Variants in KCNAB1 observed in about 807,000 individuals in gnomAD.
KCNAB1 encodes potassium voltage-gated channel subfamily A regulatory beta subunit 1.
KCNAB1 carries 35 observed loss-of-function variants against 64.6 expected under a neutral mutation model. The ratio of observed to expected loss-of-function variants is 0.54; its 90% CI spans 0.41 to 0.72. The LOEUF (loss-of-function observed/expected upper bound fraction) is 0.72. Among genes scored for constraint, KCNAB1 ranks in the 30% least tolerant of loss-of-function variants. The pLI, the probability that KCNAB1 is intolerant of heterozygous loss-of-function variation, is 0.00. For synonymous variants in KCNAB1, 177 were observed against 183.8 expected (o/e 0.96, Z 0.30); for missense variants, 401 against 512.9 (o/e 0.78, Z 2.11).
At chr3:156,250,144 G>T (rs574422557) in intron 1 of KCNAB1, among the ~76,000 whole-genome samples, 1 of 152,162 alleles carries the variant, frequency 6.6e-6, no homozygotes, top group African/African-American at 2.4e-5. Context: ...CAAGCTTGGA[G>T]GGAGAAATTG....
chr3:156,290,048 C>T (rs1002506623), intron 1 of KCNAB1, among the ~76,000 whole-genome samples: 4 of 152,180 alleles, frequency 2.6e-5, no homozygotes, highest in Non-Finnish European at 5.9e-5. Context: ...TTTCAGCCAT[C>T]TTTGTGGCCC....
intron 1 of KCNAB1, among the ~76,000 whole-genome samples, chr3:156,246,445 A>T (rs1308845800): frequency 6.6e-6 from 1 of 152,128 alleles, no homozygotes; most frequent in African/African-American, 2.4e-5. Context: ...TCTACTAGAA[A>T]TACAAAAATT....
intron 1 of KCNAB1, among the ~76,000 whole-genome samples, chr3:156,178,865 T>C (rs1028161778): frequency 6.6e-6 from 1 of 151,806 alleles, no homozygotes. Flanking sequence ...GCCGGGCGTG[T>C]TGGCGGGAGC....
chr3:156,498,445 G>C (rs1359130471), intron 8 of KCNAB1, among the ~76,000 whole-genome samples: 1 of 152,270 alleles, frequency 6.6e-6, no homozygotes, highest in East Asian at 1.9e-4. Context: ...TCTCATGAGA[G>C]CTAATGGTTT....
At chr3:156,480,959 A>G (rs1208179453) in intron 8 of KCNAB1, among the ~76,000 whole-genome samples, 1 of 152,168 alleles carries the variant, frequency 6.6e-6, no homozygotes, top group Non-Finnish European at 1.5e-5. Context: ...CCAAAGTTAA[A>G]TAGCTCCAAC....
chr3:156,119,595 T>G (rs903400834), upstream of KCNAB1, among the ~76,000 whole-genome samples: 1 of 152,164 alleles, frequency 6.6e-6, no homozygotes, highest in Non-Finnish European at 1.5e-5. Context: ...CAGCAGGCAC[T>G]GAGATAGTTG....
chr3:156,139,585 T>TG (rs1714578152), intron 1 of KCNAB1, among the ~76,000 whole-genome samples: 3 of 28,398 alleles, frequency 1.1e-4, no homozygotes, highest in African/African-American at 2.3e-4. Flanking sequence ...TTGTACTGTG[T>TG]TTTTTTTTTT....
intron 12 of KCNAB1, among the ~76,000 whole-genome samples, chr3:156,526,130 C>A (rs1245804254): frequency 6.6e-6 from 1 of 152,184 alleles, no homozygotes; most frequent in African/African-American, 2.4e-5. Flanking sequence ...TGTGTTACAG[C>A]CGCCTATAGT....
intron 2 of KCNAB1, among the ~76,000 whole-genome samples, chr3:156,448,943 G>C (rs1711790891): frequency 6.6e-6 from 1 of 152,094 alleles, no homozygotes; most frequent in South Asian, 2.1e-4. Flanking sequence ...TGAAATAAAA[G>C]TGTAGCCCTC....
chr3:156,519,884 C>T (rs756311981), intron 11 of KCNAB1, among the ~76,000 whole-genome samples: 2 of 152,176 alleles, frequency 1.3e-5, no homozygotes, highest in African/African-American at 2.4e-5. Context: ...GGTCATGTGC[C>T]ACCCTGTGAG....
Position 156,506,621 on chromosome 3 carries a change from G to A in KCNAB1, c.659-7743G>A, listed in dbSNP as rs570469809. ...AGACATAAAGCTCCATTCTTGGGTC[G>A]GAGTTTTGAAGAAGGTTCAATTTCT... On this transcript the variant is annotated intron_variant, in intron 8 of 13. Coordinates refer to ENST00000490337, the MANE Select transcript of KCNAB1 (RefSeq NM_172160.3). Among the ~76,000 whole-genome samples the A allele has an allele frequency of 3.9e-5, 6 of 152,200 alleles. No homozygotes were observed. The East Asian group carries it at 5.8e-4, about 15-fold the overall frequency.
chr3:156,272,474 G>A (rs1383193501), intron 1 of KCNAB1, among the ~76,000 whole-genome samples: 1 of 151,868 alleles, frequency 6.6e-6, no homozygotes, highest in Non-Finnish European at 1.5e-5. Flanking sequence ...GACGAGTCTC[G>A]CCATGTTCAC....
At chr3:156,235,250 CAA>C (rs1716778624) in intron 1 of KCNAB1, among the ~76,000 whole-genome samples, 1 of 152,238 alleles carries the variant, frequency 6.6e-6, no homozygotes, top group South Asian at 2.1e-4. Context: ...GCCTACACAA[CAA>C]AAGACTGAGG....
At chr3:156,141,298 G>A (rs184627185) in intron 1 of KCNAB1, among the ~76,000 whole-genome samples, 17 of 152,164 alleles carry the variant, frequency 1.1e-4, no homozygotes, top group Non-Finnish European at 5.9e-5. Context: ...GTTCCATGCA[G>A]TTTGGTTACA....
intron 2 of KCNAB1, among the ~76,000 whole-genome samples, chr3:156,437,901 G>T (rs1423626616): frequency 1.3e-5 from 2 of 151,998 alleles, no homozygotes; most frequent in Non-Finnish European, 2.9e-5. Flanking sequence ...TCACTCCAAG[G>T]CTTCTCACTG....
intron 1 of KCNAB1, among the ~76,000 whole-genome samples, chr3:156,204,781 C>T (rs1158880188): frequency 3.9e-5 from 6 of 152,134 alleles, no homozygotes; most frequent in South Asian, 2.1e-4. Flanking sequence ...TGCAATGAAC[C>T]GGATTGTGCC....
At chr3:156,274,980 C>T (rs1436887357) in intron 1 of KCNAB1, among the ~76,000 whole-genome samples, 1 of 152,166 alleles carries the variant, frequency 6.6e-6, no homozygotes, top group African/African-American at 2.4e-5. Flanking sequence ...AGCGATCTTG[C>T]GTAACAGAAC....
At chr3:156,216,179 A>C (rs1933460246) in intron 1 of KCNAB1, among the ~76,000 whole-genome samples, 1 of 152,206 alleles carries the variant, frequency 6.6e-6, no homozygotes, top group Non-Finnish European at 1.5e-5. Flanking sequence ...TACTTATTTC[A>C]AGCTGGAATT....
intron 1 of KCNAB1, among the ~76,000 whole-genome samples, chr3:156,307,340 ACTT>A (rs1460090188): frequency 1.4e-5 from 2 of 146,668 alleles, no homozygotes; most frequent in Non-Finnish European, 3.0e-5. Flanking sequence ...AAAACCAGGA[ACTT>A]CTTAAGTTTG....
Sources: gnomAD v4.1 joint callset for allele counts (sites outside exome capture counted in the v4.1 genomes callset) on GRCh38, gnomAD v4.1.1 for gene constraint, MANE v1.5 for transcripts, NCBI Gene and HGNC (gene_info 2026-07-23, HGNC 2026-07-21) for gene names.